The following TMEM63A variants were observed in gnomAD, a reference collection of about 807,000 sequenced individuals.
The protein encoded by TMEM63A is transmembrane protein 63A.
Under a neutral mutation model 100.6 loss-of-function variants are expected in TMEM63A, and 76 were observed. The ratio of observed to expected loss-of-function variants is 0.76; its 90% confidence interval spans 0.63 to 0.91. The LOEUF (loss-of-function observed/expected upper bound fraction) is 0.91. TMEM63A is among the 40% of genes least tolerant of loss of function. The pLI, the probability that TMEM63A is intolerant of heterozygous loss-of-function variation, is 0.00. For missense variants in TMEM63A, 876 were observed against 1,008.8 expected (o/e 0.87, Z 1.78); for synonymous variants, 401 against 401.1 (o/e 1.00, Z 0.00).
intron 4 of TMEM63A, among the ~76,000 whole-genome samples, chr1:225,873,242 C>T (rs1235956524): frequency 1.3e-5 from 2 of 152,180 alleles, no homozygotes; most frequent in African/African-American, 4.8e-5. Flanking sequence ...AACCAGAGTA[C>T]ATGGCCCCAC....
chr1:225,868,634 C>T (rs566314965), intron 6 of TMEM63A, among the ~76,000 whole-genome samples: 8 of 151,450 alleles, frequency 5.3e-5, no homozygotes, highest in African/African-American at 1.7e-4. Flanking sequence ...TGCAGTGAGT[C>T]GAGATCCCAC....
chr1:225,881,443 A>C (rs1206520322), intron 1 of TMEM63A, among the ~76,000 whole-genome samples: 1 of 152,210 alleles, frequency 6.6e-6, no homozygotes, highest in Non-Finnish European at 1.5e-5. Flanking sequence ...CTAATGGGAA[A>C]CACAAGGGCA....
intron 1 of TMEM63A, among the ~76,000 whole-genome samples, chr1:225,879,662 T>C (rs1324422793): frequency 6.6e-6 from 1 of 152,158 alleles, no homozygotes; most frequent in African/African-American, 2.4e-5. Flanking sequence ...CCAGCCTCTC[T>C]CCTCTTTGCC....
At position 225,846,889 on chromosome 1, in the gene TMEM63A, G is replaced by A; in HGVS notation, c.*50C>T. On this transcript the variant is annotated 3_prime_UTR_variant, in exon 25 of 25. Coordinates refer to ENST00000366835, the MANE Select transcript of TMEM63A (RefSeq NM_014698.3). ...CGCATTCCCACTCAGCCAAGGGCCTGAGCCCCAGGCCATTCTGGTTGTGTC... is the reference window on the plus strand; with the variant it reads ...CGCATTCCCACTCAGCCAAGGGCCTAAGCCCCAGGCCATTCTGGTTGTGTC... 3.0e-6 allele frequency: 3 copies of A among 1,008,952 alleles called. No homozygotes were observed. The South Asian group carries it at 5.7e-5, about 19-fold the overall frequency. The allele number at this position is 1,008,952 out of a possible 1,614,324, so 62.5% of individuals were successfully genotyped here. A position where few individuals can be genotyped will look rare whatever the true frequency, so the allele number is the denominator to read the frequency against.
At chr1:225,866,842 G>T in intron 8 of TMEM63A, 160 bp from the exon 9 acceptor site, 1 of 709,564 alleles carries the variant, frequency 1.4e-6, no homozygotes, top group Non-Finnish European at 2.4e-6. Context: ...GCACCCCTCA[G>T]CCCACAGTGA....
At chr1:225,878,881 TACCTAC>T (rs1300774965) in intron 2 of TMEM63A, among the ~76,000 whole-genome samples, 11 of 89,068 alleles carry the variant, frequency 1.2e-4, no homozygotes, top group East Asian at 6.6e-4. Context: ...CCTACCTACC[TACCTAC>T]ACACACACAC....
chr1:225,869,673 T>TTTTTTTC, intron 6 of TMEM63A, among the ~76,000 whole-genome samples: 1 of 148,754 alleles, frequency 6.7e-6, no homozygotes, highest in Admixed American at 6.7e-5. Flanking sequence ...TTTCTTTTTT[T>TTTTTTTC]TTTTTTTTGA....
chr1:225,849,078 T>C, intron 21 of TMEM63A, 66 bp from the exon 22 acceptor site: 1 of 1,250,590 alleles, frequency 8.0e-7, no homozygotes, highest in Non-Finnish European at 1.1e-6. Flanking sequence ...CTCACCCTGC[T>C]GAGGAAGGGG....
At chr1:225,860,225 G>C (rs1013074947) in intron 14 of TMEM63A, 1 of 152,598 alleles carries the variant, frequency 6.6e-6, no homozygotes, top group Non-Finnish European at 1.5e-5. Context: ...AGCTGAGGCA[G>C]GGCTGGACAG....
chr1:225,862,928 T>C lies in TMEM63A; in HGVS notation c.747-77A>G. The C allele has an allele frequency of 7.3e-7, 1 of 1,374,744 alleles. No homozygotes were observed. Among genetic ancestry groups the C allele is most frequent in the Non-Finnish European group, 1.0e-6 (1 of 982,018 alleles). The allele number at this position is 1,374,744 out of a possible 1,614,324, so 85.2% of individuals were successfully genotyped here. Reference sequence around the variant, plus strand: ...CCCAAGCAGGAGACGTGCCCACGGATCCAAGGGAAAGGATGGCAGAGTGAT... The same window carrying C: ...CCCAAGCAGGAGACGTGCCCACGGACCCAAGGGAAAGGATGGCAGAGTGAT... On this transcript the variant is annotated intron_variant, in intron 10 of 24. Coordinates refer to ENST00000366835, the MANE Select transcript of TMEM63A (RefSeq NM_014698.3). This position sits in a 1 kb window ranked among gnomAD's most constrained non-coding sequence, Gnocchi z 5.1.
intron 21 of TMEM63A, 80 bp from the exon 22 acceptor site, chr1:225,849,092 C>T: frequency 2.6e-6 from 3 of 1,140,194 alleles, no homozygotes; most frequent in South Asian, 1.4e-5. Context: ...GAAGGGGCCG[C>T]ACCTGGTGTG....
downstream of TMEM63A, chr1:225,841,219 G>A (rs918798872): frequency 1.3e-5 from 2 of 152,172 alleles, no homozygotes; most frequent in Non-Finnish European, 2.9e-5. Context: ...ATATACCCTT[G>A]AGTCTGGCTT....
At position 225,849,923 on chromosome 1, in the gene TMEM63A, A is replaced by C; in HGVS notation, c.2060T>G (p.Phe687Cys). 1 of 1,613,980 alleles carries C rather than the reference A, an allele frequency of 6.2e-7. No individual in the cohort carries two copies. The highest frequency in any genetic ancestry group is 8.5e-7 in the Non-Finnish European group (1 of 1,179,982). ...GAAGGGCTGCTCACCCAGGCGCAGG[A>C]AGGAAAAGAAGTAGAGCCAGAAGAG... is the stretch of plus-strand genomic sequence containing the variant. ...LCLFWLYFFS[F>C]LRLGMKAPAT... is the part of the protein sequence containing the mutation. The change falls in exon 21 of 25, where the codon TTC (phenylalanine) becomes TGC (cysteine). Residue 687 changes from phenylalanine (F) to cysteine (C), a missense_variant. Phe to Cys is a radical substitution (Grantham distance 205). Around this residue, in one of 5 missense-constraint regions of TMEM63A, gnomAD observed 339 missense variants for 342.3 expected, o/e 0.99. Coordinates refer to ENST00000366835, the MANE Select transcript of TMEM63A (RefSeq NM_014698.3).
Position 225,859,241 on chromosome 1 carries a change from G to A in TMEM63A, c.1332C>T (p.Ser444=), listed in dbSNP as rs909609063. 3 of 1,613,972 alleles carry A rather than the reference G, an allele frequency of 1.9e-6. No homozygotes were observed. The Admixed American group carries it at 5.0e-5, about 27-fold the overall frequency. Residue 444 remains serine (S), a synonymous_variant, in exon 15 of 25, where the codon TCC becomes TCT. Transcript: ENST00000366835. ...TGGTGACATTAAACTTGTCCATGGT[G>A]GACAGGATGATGGAGGGTGTGGTCA... ...FFLTTPSIIL[S]TMDKFNVTKP...
chr1:225,858,868 C>T (rs1282899029), intron 15 of TMEM63A, among the ~76,000 whole-genome samples: 1 of 151,852 alleles, frequency 6.6e-6, no homozygotes, highest in African/African-American at 2.4e-5. Context: ...CCACATTCAA[C>T]TCAAATGATC....
intron 5 of TMEM63A, chr1:225,871,504 A>C: frequency 4.6e-6 from 1 of 219,346 alleles, no homozygotes; most frequent in South Asian, 9.9e-5. Context: ...GGGTGTCTGC[A>C]GGTTTTATTG....
intron 3 of TMEM63A, among the ~76,000 whole-genome samples, chr1:225,874,837 C>T (rs1262399236): frequency 6.6e-6 from 1 of 152,174 alleles, no homozygotes; most frequent in African/African-American, 2.4e-5. Flanking sequence ...CGGGTTCAAG[C>T]AATTCTTGTG....
At chr1:225,868,122 T>C (rs1480928629) in intron 6 of TMEM63A, 92 bp from the exon 7 acceptor site, 4 of 1,496,030 alleles carry the variant, frequency 2.7e-6, no homozygotes, top group Middle Eastern at 1.9e-4. Flanking sequence ...CACACTCTTA[T>C]GAGATGGTTC....
At chr1:225,868,528 A>C (rs1459099018) in intron 6 of TMEM63A, among the ~76,000 whole-genome samples, 1 of 151,800 alleles carries the variant, frequency 6.6e-6, no homozygotes, top group Non-Finnish European at 1.5e-5. Context: ...TACTAAAAAA[A>C]AAAAAAAATT....
Sources: gnomAD v4.1 joint callset for allele counts (sites outside exome capture counted in the v4.1 genomes callset) on GRCh38, gnomAD v4.1.1 for gene constraint, gnomAD v4.1.1 regional missense constraint, Gnocchi (gnomAD v3.1) non-coding constraint, MANE v1.5 for transcripts, NCBI Gene and HGNC (gene_info 2026-07-23, HGNC 2026-07-21) for gene names.